Variants in HARS1 observed in about 807,000 individuals in gnomAD.
HARS1 encodes histidyl-tRNA synthetase 1, also known as histidine--tRNA ligase, cytoplasmic.
HARS1 carries 45 observed loss-of-function variants against 63.6 expected under a neutral mutation model. The ratio of observed to expected loss-of-function variants is 0.71; its 90% CI spans 0.56 to 0.91. The LOEUF is 0.91. Ranked by LOEUF, HARS1 falls within the 40% of genes least tolerant of loss-of-function variation. The pLI, the probability that HARS1 is intolerant of heterozygous loss-of-function variation, is 0.00. For synonymous variants in HARS1, 205 were observed against 247.1 expected, an observed-to-expected ratio of 0.83 and a Z score of 1.60; for missense variants, 508 against 643.2, an observed-to-expected ratio of 0.79 and a Z score of 2.27.
chr5:140,686,474 G>C (rs112769834), intron 2 of HARS1, among the ~76,000 whole-genome samples: 410 of 152,250 alleles, frequency 2.7e-3, no homozygotes, highest in African/African-American at 9.5e-3. Context: ...CCCGACCTCA[G>C]GTGATCCGCC....
intron 2 of HARS1, chr5:140,684,986 G>A (rs1216672661): frequency 2.6e-5 from 4 of 152,154 alleles, no homozygotes; most frequent in South Asian, 2.1e-4. Flanking sequence ...TCAATCTGTC[G>A]TGATATGTCG....
chr5:140,691,038 G>T, intron 1 of HARS1, 94 bp from the exon 2 acceptor site: 1 of 956,246 alleles, frequency 1.0e-6, no homozygotes, highest in Non-Finnish European at 1.7e-6. Context: ...ACATCTCTCT[G>T]CTCAGGCCTA....
chr5:140,674,404 C>T (rs1758229636), intron 12 of HARS1, 76 bp from the exon 13 acceptor site: 1 of 1,044,204 alleles, frequency 9.6e-7, no homozygotes, highest in Non-Finnish European at 1.5e-6. Flanking sequence ...TTTCCTCTAG[C>T]CCTCTAGGCA....
In HARS1 at chr5:140,691,262, C is replaced by A. The variant is rs1394473077; in HGVS notation, c.43G>T (p.Gly15Ter). The A allele has an allele frequency of 6.2e-7, 1 of 1,608,612 alleles. No individual in the cohort carries two copies. The highest frequency in any genetic ancestry group is 8.5e-7 in the Non-Finnish European group (1 of 1,179,592). ...TGCTTGAGGCCTCGCACGCGCTCTC[C>A]CTGAAGTTTCACCAGCTCCTCCAGC... The part of the protein sequence containing the change: ...AALEELVKLQ[G>*]ERVRGLKQQK... Residue 15 changes from glycine to a stop codon, truncating the protein, a stop_gained, in exon 1 of 13, where the codon GGA (glycine) becomes TGA (stop). Transcript: ENST00000504156. LOFTEE classifies it high-confidence loss of function.
chr5:140,688,289 G>T (rs1759166286), intron 2 of HARS1, among the ~76,000 whole-genome samples: 1 of 152,064 alleles, frequency 6.6e-6, no homozygotes, highest in Non-Finnish European at 1.5e-5. Flanking sequence ...AATTTTCAAA[G>T]ACACAATATA....
Position 140,674,240 on chromosome 5 carries a change from C to T in HARS1, c.*17G>A, listed in dbSNP as rs753562975. 2.0e-6 allele frequency: 3 copies of T among 1,531,212 alleles called. No homozygotes were observed. The Admixed American group carries it at 5.0e-5, about 26-fold the overall frequency. 94.9% of individuals were successfully genotyped at this position (1,531,212 alleles called of 1,614,324 possible). A position where few individuals can be genotyped will look rare whatever the true frequency, so the allele number is the denominator to read the frequency against. On this transcript the variant is annotated 3_prime_UTR_variant, in exon 13 of 13. Coordinates refer to ENST00000504156, the MANE Select transcript of HARS1 (RefSeq NM_002109.6). The stretch of plus-strand genomic sequence containing the variant: ...TAGTGCCAGTCCCACTTCCTTTCCT[C>T]TGATAGTTTGTTCAGTTCAGCAGAT...
At chr5:140,690,659 C>G (rs1327166771) in intron 2 of HARS1, among the ~76,000 whole-genome samples, 196 bp downstream of exon 2, 2 of 152,124 alleles carry the variant, frequency 1.3e-5, no homozygotes, top group African/African-American at 4.8e-5. Flanking sequence ...ACCCAGCTGG[C>G]CTAGTTTCTG....
rs778485839 is a variant in HARS1 at position 140,690,906 on chromosome 5, T to G, written c.129A>C (p.Ala43=). The change falls in exon 2 of 13, where the codon GCA becomes GCC. Residue 43 remains alanine, a synonymous_variant. Transcript: ENST00000504156. The part of the protein sequence containing the change: ...EEVAKLLKLK[A]QLGPDESKQK... ...GTTTGCTTTCATCAGGACCCAGCTG[T>G]GCCTTCAGTTTCAGGAGTTTCGCCA... is the stretch of plus-strand genomic sequence containing the variant. 36 of 1,611,042 alleles carry G rather than the reference T, an allele frequency of 2.2e-5. No homozygotes were observed. The highest frequency in any genetic ancestry group is 2.9e-5 in the Non-Finnish European group (34 of 1,177,308).
At chr5:140,678,896 T>C in intron 5 of HARS1, 106 bp downstream of exon 5, 1 of 1,160,882 alleles carries the variant, frequency 8.6e-7, no homozygotes, top group Non-Finnish European at 1.2e-6. Context: ...AAGAGCATTA[T>C]CTGGGTCATC....
At chr5:140,691,112 G>A in intron 1 of HARS1, 103 bp downstream of exon 1, 1 of 1,002,940 alleles carries the variant, frequency 1.0e-6, no homozygotes, top group Non-Finnish European at 1.5e-6. Flanking sequence ...CTCCCTACAA[G>A]ACTGGTCGCT....
Position 140,676,984 on chromosome 5 carries a change from C to A in HARS1, c.951+5G>T, listed in dbSNP as rs1473283139. ...AGAAGGGATCCCGTCCCCAACTTGACTCACTTTGTCATCAATGCCAAATAG... is the reference window on the plus strand; with the variant it reads ...AGAAGGGATCCCGTCCCCAACTTGAATCACTTTGTCATCAATGCCAAATAG... On this transcript the variant is annotated splice_donor_5th_base_variant and intron_variant, in intron 9 of 12. Transcript: ENST00000504156. This position sits in a 1 kb window ranked among gnomAD's most constrained non-coding sequence, Gnocchi z 4.1. 32 of 1,614,126 alleles carry A rather than the reference C, an allele frequency of 2.0e-5. No homozygotes were observed. Among genetic ancestry groups the A allele is most frequent in the Non-Finnish European group, 2.5e-5 (30 of 1,180,048 alleles).
At chr5:140,684,512 G>T in intron 2 of HARS1, 3 of 612,908 alleles carry the variant, frequency 4.9e-6, no homozygotes, top group Non-Finnish European at 6.1e-6. Flanking sequence ...CTATGACATA[G>T]GCTAGGCAGA....
chr5:140,677,848 G>T, intron 6 of HARS1, 60 bp downstream of exon 6: 1 of 1,400,988 alleles, frequency 7.1e-7, no homozygotes, highest in Non-Finnish European at 1.0e-6. Context: ...CTCTGCACAA[G>T]GATCTTCTCT....
intron 3 of HARS1, among the ~76,000 whole-genome samples, chr5:140,680,615 G>A (rs1438763364): frequency 2.0e-5 from 3 of 152,034 alleles, no homozygotes; most frequent in South Asian, 2.1e-4. Context: ...AGGCCAAGGC[G>A]GATGGATCAC....
intron 3 of HARS1, among the ~76,000 whole-genome samples, chr5:140,680,392 G>A (rs1398144627): frequency 1.3e-5 from 2 of 151,844 alleles, no homozygotes; most frequent in Non-Finnish European, 1.5e-5. Context: ...TGATCTGCCC[G>A]CTTCAGCCTC....
chr5:140,675,406 AC>A, intron 10 of HARS1: 1 of 289,484 alleles, frequency 3.5e-6, no homozygotes, highest in Non-Finnish European at 6.5e-6. Flanking sequence ...TCCATGTAGT[AC>A]CTTTTTTTTT....
At chr5:140,688,962 T>C (rs6880190) in intron 2 of HARS1, among the ~76,000 whole-genome samples, 3,218 of 152,318 alleles carry the variant, frequency 0.021, 113 homozygotes, top group African/African-American at 0.073. Context: ...TAATGTCTAG[T>C]TGTCCTACTT....
chr5:140,689,463 T>C (rs1759239043), intron 2 of HARS1, among the ~76,000 whole-genome samples: 1 of 152,196 alleles, frequency 6.6e-6, no homozygotes, highest in Non-Finnish European at 1.5e-5. Context: ...AAAAGGTTTT[T>C]ATTTGTTTGT....
intron 6 of HARS1, 69 bp from the exon 7 acceptor site, chr5:140,677,822 C>T (rs546933362): frequency 2.9e-6 from 4 of 1,373,100 alleles, no homozygotes; most frequent in African/African-American, 1.4e-5. Flanking sequence ...GTCATGGTCA[C>T]TTAGGCTACT....
Sources: allele counts gnomAD v4.1 joint callset (sites outside exome capture counted in the v4.1 genomes callset), GRCh38; gene constraint gnomAD v4.1.1; non-coding constraint Gnocchi (gnomAD v3.1); transcripts MANE v1.5; gene names NCBI Gene and HGNC (gene_info 2026-07-23, HGNC 2026-07-21).